Variants in PRMT9 observed in about 807,000 individuals in gnomAD.
PRMT9 encodes the protein protein arginine N-methyltransferase 9.
Under a neutral mutation model 83.2 loss-of-function variants are expected in PRMT9, and 59 were observed. That is an observed-to-expected ratio of 0.71 (90% CI 0.57 to 0.88). The LOEUF (loss-of-function observed/expected upper bound fraction) is 0.88, where lower values mean the gene tolerates loss of function less well. Ranked by LOEUF, PRMT9 falls within the 40% of genes least tolerant of loss-of-function variation. PRMT9 has a pLI of 0.00. For missense variants in PRMT9, 947 were observed against 1,021.9 expected, an observed-to-expected ratio of 0.93 and a Z score of 1.00; for synonymous variants, 333 against 353.2, an observed-to-expected ratio of 0.94 and a Z score of 0.64.
intron 1 of PRMT9, among the ~76,000 whole-genome samples, chr4:147,682,456 G>A (rs62344213): frequency 5.8e-4 from 88 of 151,752 alleles, no homozygotes; most frequent in African/African-American, 2.1e-3. Flanking sequence ...GATTACAGGC[G>A]TGAGCCACCG....
chr4:147,657,703 CA>C (rs1318040630), intron 8 of PRMT9, 88 bp downstream of exon 8: 1 of 975,416 alleles, frequency 1.0e-6, no homozygotes, highest in Non-Finnish European at 1.6e-6. Flanking sequence ...CTGAAACCTT[CA>C]TATCCAAAGT....
chr4:147,657,720 T>C, intron 8 of PRMT9, 72 bp downstream of exon 8: 2 of 1,169,856 alleles, frequency 1.7e-6, no homozygotes, highest in Non-Finnish European at 2.5e-6. Flanking sequence ...AAAGTAATTT[T>C]TTTTTTGCCA....
intron 2 of PRMT9, among the ~76,000 whole-genome samples, chr4:147,676,315 CT>C (rs1300869312): frequency 1.3e-5 from 2 of 152,010 alleles, no homozygotes; most frequent in African/African-American, 4.8e-5. Flanking sequence ...TGTGTATAAT[CT>C]GGAAATATAA....
chr4:147,665,124 C>CAAAAAA (rs370245859), intron 6 of PRMT9, among the ~76,000 whole-genome samples: 3 of 116,638 alleles, frequency 2.6e-5, no homozygotes, highest in Admixed American at 2.0e-4. Flanking sequence ...TCTGTCTAAA[C>CAAAAAA]AAAAAAAAAA....
chr4:147,668,401 C>T, intron 6 of PRMT9, 138 bp downstream of exon 6: 1 of 670,158 alleles, frequency 1.5e-6, no homozygotes, highest in South Asian at 1.7e-5. Flanking sequence ...TGCCTGCTTC[C>T]CCTTCTGCCA....
chr4:147,667,607 A>T (rs1167960187), intron 6 of PRMT9, among the ~76,000 whole-genome samples: 1 of 152,224 alleles, frequency 6.6e-6, no homozygotes, highest in Non-Finnish European at 1.5e-5. Flanking sequence ...AATATATAAC[A>T]AAGATGAAAA....
chr4:147,661,792 A>AAG (rs1191338402), intron 6 of PRMT9, among the ~76,000 whole-genome samples: 1 of 148,806 alleles, frequency 6.7e-6, no homozygotes, highest in East Asian at 1.9e-4. Flanking sequence ...TCCATCTCAA[A>AAG]AAAAAAAAAA....
chr4:147,638,486 A>G lies in PRMT9; in HGVS notation c.*46T>C. 7.0e-7 allele frequency: 1 copy of G among 1,434,796 alleles called. No individual in the cohort carries two copies. The highest frequency in any genetic ancestry group is 1.7e-4 in the Middle Eastern group (1 of 5,760). The allele number at this position is 1,434,796 out of a possible 1,614,324, so 88.9% of individuals were successfully genotyped here. A position where few individuals can be genotyped will look rare whatever the true frequency, so the allele number is the denominator to read the frequency against. On this transcript the variant is annotated 3_prime_UTR_variant, in exon 12 of 12. Transcript: ENST00000322396. ...CCACTAATTAAGACAAGAATTTTGT[A>G]CTTGTTGATGCTCTATTTACACAGT...
chr4:147,644,903 C>T (rs1260226098), intron 9 of PRMT9, among the ~76,000 whole-genome samples: 1 of 152,232 alleles, frequency 6.6e-6, no homozygotes, highest in Non-Finnish European at 1.5e-5. Flanking sequence ...TCATTTGCCA[C>T]ATTTACAATC....
chr4:147,656,791 A>AAAAAG (rs1560981172), intron 8 of PRMT9, among the ~76,000 whole-genome samples: 1 of 149,504 alleles, frequency 6.7e-6, no homozygotes, highest in Non-Finnish European at 1.5e-5. Context: ...AAAAAAAAAA[A>AAAAAG]AAAAGAAAGA....
chr4:147,638,395 A>G lies in PRMT9; in HGVS notation c.*137T>C. 1.5e-6 allele frequency: 1 copy of G among 685,394 alleles called. No individual in the cohort carries two copies. Among genetic ancestry groups the G allele is most frequent in the Non-Finnish European group, 2.6e-6 (1 of 389,840 alleles). The allele number at this position is 685,394 out of a possible 1,614,324, so 42.5% of individuals were successfully genotyped here. ...GCTACCCTTTTATTTAGAATCTTTT[A>G]AAATATGCTTTATTAATGTCAATTT... On this transcript the variant is annotated 3_prime_UTR_variant, in exon 12 of 12. Coordinates refer to ENST00000322396, the MANE Select transcript of PRMT9 (RefSeq NM_138364.4).
At chr4:147,661,802 A>AAC (rs1734981536) in intron 6 of PRMT9, among the ~76,000 whole-genome samples, 1 of 151,268 alleles carries the variant, frequency 6.6e-6, no homozygotes, top group South Asian at 2.1e-4. Flanking sequence ...AAAAAAAAAA[A>AAC]AAAAAAAAAA....
chr4:147,657,660 G>T, intron 8 of PRMT9, 132 bp downstream of exon 8: 3 of 677,362 alleles, frequency 4.4e-6, no homozygotes, highest in Non-Finnish European at 5.2e-6. Flanking sequence ...GAAAAAAAAT[G>T]AAGTTCTGAA....
chr4:147,676,547 G>A (rs1736086990), intron 2 of PRMT9, among the ~76,000 whole-genome samples: 2 of 152,104 alleles, frequency 1.3e-5, no homozygotes, highest in Admixed American at 1.3e-4. Context: ...GTAACCCTCA[G>A]TTAATTATCT....
At chr4:147,661,651 G>A (rs768248009) in intron 6 of PRMT9, among the ~76,000 whole-genome samples, 3 of 151,950 alleles carry the variant, frequency 2.0e-5, no homozygotes, top group Admixed American at 6.6e-5. Context: ...TTAGCCGGGC[G>A]TGTTGGCGGG....
intron 1 of PRMT9, among the ~76,000 whole-genome samples, chr4:147,681,797 A>G (rs1440726224): frequency 7.3e-5 from 8 of 110,050 alleles, no homozygotes; most frequent in Non-Finnish European, 1.4e-4. Context: ...AAAAAAAAAA[A>G]CCCCGCACAG....
chr4:147,653,306 G>A (rs186799784), intron 9 of PRMT9, among the ~76,000 whole-genome samples: 135 of 152,120 alleles, frequency 8.9e-4, no homozygotes, highest in African/African-American at 2.7e-3. Context: ...AAATTAGCTG[G>A]TGGGGTGTGC....
At position 147,680,573 on chromosome 4, in the gene PRMT9, T is replaced by C. The variant is rs564109272; in HGVS notation, c.190-102A>G. The stretch of plus-strand genomic sequence containing the variant: ...TCCAAGCAATCGAACTTAATCACTA[T>C]TGAACAATCACCTTAAACTTCATTT... On this transcript the variant is annotated intron_variant, in intron 1 of 11. Transcript: ENST00000322396. The C allele has an allele frequency of 5.4e-6, 5 of 921,986 alleles. No individual in the cohort carries two copies. In the East Asian group the frequency reaches 7.9e-5, roughly 15 times the overall value. The allele number at this position is 921,986 out of a possible 1,614,324, so 57.1% of individuals were successfully genotyped here. A position where few individuals can be genotyped will look rare whatever the true frequency, so the allele number is the denominator to read the frequency against.
chr4:147,675,795 T>C (rs999713742), intron 2 of PRMT9, among the ~76,000 whole-genome samples: 2 of 152,204 alleles, frequency 1.3e-5, no homozygotes, highest in African/African-American at 4.8e-5. Flanking sequence ...AAAAACATTA[T>C]CTTCTTGATT....
Sources: allele counts gnomAD v4.1 joint callset (sites outside exome capture counted in the v4.1 genomes callset), GRCh38; gene constraint gnomAD v4.1.1; transcripts MANE v1.5; gene names NCBI Gene and HGNC (gene_info 2026-07-23, HGNC 2026-07-21).